Variants in CD8A observed in about 807,000 individuals in gnomAD.
The protein encoded by CD8A is T-cell surface glycoprotein CD8 alpha chain.
Under a neutral mutation model 24.2 loss-of-function variants are expected in CD8A, and 25 were observed. That is an observed-to-expected ratio of 1.03 (90% confidence interval 0.75 to 1.44). CD8A has a LOEUF of 1.44. Among genes scored for constraint, CD8A ranks in the 40% most tolerant of loss-of-function variants. The probability of loss-of-function intolerance (pLI) is 0.00; values close to 1 mark genes in which losing one functional copy is unlikely to be tolerated. For missense variants in CD8A, 360 were observed against 319.7 expected, an observed-to-expected ratio of 1.13 and a Z score of -0.96; for synonymous variants, 165 against 149.9, an observed-to-expected ratio of 1.10 and a Z score of -0.74.
At chr2:86,806,301 TGGGCG>T in intron 2 of CD8A, among the ~76,000 whole-genome samples, 2 of 152,154 alleles carry the variant, frequency 1.3e-5, no homozygotes, top group Admixed American at 1.3e-4. Context: ...GCATGAGGGC[TGGGCG>T]AAGGCTCTGA....
intron 5 of CD8A, among the ~76,000 whole-genome samples, chr2:86,787,036 A>AAAAAAAAAAAAAAAAG (rs1375316030): frequency 2.8e-5 from 4 of 141,080 alleles, no homozygotes; most frequent in African/African-American, 1.0e-4. Flanking sequence ...AAAAAAAAAA[A>AAAAAAAAAAAAAAAAG]AAAAGAAAAG....
chr2:86,807,236 C>G (rs948046263), intron 2 of CD8A, among the ~76,000 whole-genome samples: 16 of 152,102 alleles, frequency 1.1e-4, no homozygotes, highest in African/African-American at 3.9e-4. Context: ...GTGGGGGGAT[C>G]GCTTGAGCCC....
intron 2 of CD8A, among the ~76,000 whole-genome samples, chr2:86,804,951 C>T (rs573126285): frequency 4.6e-5 from 7 of 152,024 alleles, no homozygotes; most frequent in South Asian, 2.1e-4. Context: ...TACAGGCACA[C>T]GCCACCATGC....
At position 86,785,716 on chromosome 2, in the gene CD8A, TGTG is replaced by T. The variant is rs1672971115; in HGVS notation, c.*201_*203del. 1.4e-6 allele frequency: 1 copy of T among 722,558 alleles called. No individual in the cohort carries two copies. Among genetic ancestry groups the T allele is most frequent in the Non-Finnish European group, 2.5e-6 (1 of 394,906 alleles). 44.8% of individuals were successfully genotyped at this position (722,558 alleles called of 1,614,324 possible). A position where few individuals can be genotyped will look rare whatever the true frequency, so the allele number is the denominator to read the frequency against. On this transcript the variant is annotated 3_prime_UTR_variant, in exon 6 of 6. Transcript: ENST00000283635. ...GTGCGCACAACAGTATTGTGACCCT[TGTG>T]GTGTACTGTAGATTTTACCTAGTTT... is the stretch of plus-strand genomic sequence containing the variant.
At chr2:86,807,995 G>A (rs1388909243) in intron 1 of CD8A, 1 of 152,506 alleles carries the variant, frequency 6.6e-6, no homozygotes, top group East Asian at 1.9e-4. Flanking sequence ...AAGTAAGGCG[G>A]TGGATCTTGC....
chr2:86,789,509 T>C, intron 3 of CD8A, 76 bp from the exon 4 acceptor site: 2 of 1,370,772 alleles, frequency 1.5e-6, no homozygotes, highest in Non-Finnish European at 2.1e-6. Context: ...CGGGAACGTC[T>C]CTCCGCCTCA....
chr2:86,806,309 G>A (rs1673855758), intron 2 of CD8A, among the ~76,000 whole-genome samples: 1 of 152,192 alleles, frequency 6.6e-6, no homozygotes, highest in African/African-American at 2.4e-5. Flanking sequence ...GCTGGGCGAA[G>A]GCTCTGACTC....
rs187498275 is a variant in CD8A, at chr2:86,797,473, G to C, written c.-271+4038C>G. Among the ~76,000 whole-genome samples the C allele has an allele frequency of 3.3e-5, 5 of 152,250 alleles. 1 individual carries two copies. The highest frequency in any genetic ancestry group is 1.2e-4 in the African/African-American group (5 of 41,538). On this transcript the variant is annotated intron_variant, in intron 3 of 8. Transcript: ENST00000409511. ...GACATCAAAGCCTGTGGCAGGTAGA[G>C]ATTGTAAGCTCATGTCTGCCCCTGA...
upstream of CD8A, among the ~76,000 whole-genome samples, chr2:86,792,217 C>T (rs1673333710): frequency 6.6e-6 from 1 of 152,014 alleles, no homozygotes; most frequent in Admixed American, 6.5e-5. Flanking sequence ...TGCCCTCTTC[C>T]CATTTCTTCA....
At chr2:86,803,676 T>G (rs1573471487) in intron 2 of CD8A, among the ~76,000 whole-genome samples, 1 of 152,172 alleles carries the variant, frequency 6.6e-6, no homozygotes, top group East Asian at 1.9e-4. Flanking sequence ...CTCAGCCTCC[T>G]GAGTAGCTGG....
intron 5 of CD8A, among the ~76,000 whole-genome samples, chr2:86,787,185 C>T (rs1480934970): frequency 6.9e-6 from 1 of 145,876 alleles, no homozygotes; most frequent in Middle Eastern, 3.8e-3. Flanking sequence ...CACGTTCAAG[C>T]GATTCTCCTG....
upstream of CD8A, chr2:86,791,808 C>T (rs912274286): frequency 2.6e-6 from 1 of 381,282 alleles, no homozygotes; most frequent in Non-Finnish European, 5.2e-6. Context: ...AACCCCTGCG[C>T]TCTGTGCTTT....
chr2:86,806,030 A>G (rs938231754), intron 2 of CD8A, among the ~76,000 whole-genome samples: 2 of 152,224 alleles, frequency 1.3e-5, no homozygotes, highest in Non-Finnish European at 2.9e-5. Context: ...TACCCAAAAT[A>G]GAAACCTTAC....
At chr2:86,789,894 C>T in intron 2 of CD8A, 144 bp from the exon 3 acceptor site, 1 of 567,782 alleles carries the variant, frequency 1.8e-6, no homozygotes, top group Non-Finnish European at 2.9e-6. Context: ...GGATGGGGAC[C>T]CCGGGATGCG....
rs564158914 is a variant in CD8A at position 86,790,629 on chromosome 2, G to A, written c.102C>T (p.Asn34=). 9.3e-6 allele frequency: 15 copies of A among 1,605,138 alleles called. No homozygotes were observed. In the African/African-American group the frequency reaches 1.7e-4, roughly 19 times the overall value. Residue 34 remains asparagine (N), a synonymous_variant, in exon 2 of 6, where the codon AAC becomes AAT. Coordinates refer to ENST00000283635, the MANE Select transcript of CD8A (RefSeq NM_001768.7). ...FRVSPLDRTW[N]LGETVELKCQ... ...ACTTCAGCTCCACTGTCTCGCCCAG[G>A]TTCCAGGTCCGATCCAGCGGCGACA...
At chr2:86,786,637 T>C (rs980156905) in intron 5 of CD8A, among the ~76,000 whole-genome samples, 5 of 152,164 alleles carry the variant, frequency 3.3e-5, no homozygotes, top group African/African-American at 1.2e-4. Flanking sequence ...TATTCTCAGT[T>C]ATTCATCTCA....
Position 86,790,466 on chromosome 2 carries a change from A to G in CD8A, c.265T>C (p.Phe89Leu), listed in dbSNP as rs764628330. 5 of 1,614,092 alleles carry G rather than the reference A, an allele frequency of 3.1e-6. No homozygotes were observed. The highest frequency in any genetic ancestry group is 4.2e-6 in the Non-Finnish European group (5 of 1,180,016). Reference protein sequence around the residue: ...KAAEGLDTQRFSGKRLGDTFV... With the variant: ...KAAEGLDTQRLSGKRLGDTFV... ...GTGTCCCCCAACCTCTTGCCCGAGAACCGCTGGGTGTCCAGCCCCTCGGCC... is the reference window on the plus strand; with the variant it reads ...GTGTCCCCCAACCTCTTGCCCGAGAGCCGCTGGGTGTCCAGCCCCTCGGCC... Residue 89 changes from phenylalanine (F) to leucine (L), a missense_variant, in exon 2 of 6, where the codon TTC becomes CTC. By Grantham distance (22) the Phe-to-Leu change is conservative. Coordinates refer to ENST00000283635, the MANE Select transcript of CD8A (RefSeq NM_001768.7).
chr2:86,789,487 G>A (rs1316549864), intron 3 of CD8A, 54 bp from the exon 4 acceptor site: 1 of 1,444,348 alleles, frequency 6.9e-7, no homozygotes, highest in Non-Finnish European at 9.8e-7. Flanking sequence ...CCTCCCAACC[G>A]CCCCACCGTC....
rs1045371693 is a variant in CD8A, at chr2:86,790,862, G to T, written c.-37C>A. ...CAGGACGCTGCTTGGCTCGAAGCTC[G>T]GGCGCGAGGGGAGGCGCGCGGGAGC... On this transcript the variant is annotated 5_prime_UTR_variant, in exon 1 of 6. Coordinates refer to ENST00000283635, the MANE Select transcript of CD8A (RefSeq NM_001768.7). 2 of 1,534,244 alleles carry T rather than the reference G, an allele frequency of 1.3e-6. No homozygotes were observed. The highest frequency in any genetic ancestry group is 1.7e-6 in the Non-Finnish European group (2 of 1,144,324).
Sources: allele counts gnomAD v4.1 joint callset (sites outside exome capture counted in the v4.1 genomes callset), GRCh38; gene constraint gnomAD v4.1.1; transcripts MANE v1.5; gene names NCBI Gene and HGNC (gene_info 2026-07-23, HGNC 2026-07-21).